Variants in OPCML observed in about 807,000 individuals in gnomAD.
OPCML encodes the protein opioid binding protein/cell adhesion molecule like.
A neutral mutation model predicts 37.8 loss-of-function variants in OPCML; 13 were observed. The ratio of observed to expected loss-of-function variants is 0.34; its 90% CI spans 0.22 to 0.55. The LOEUF (loss-of-function observed/expected upper bound fraction) is 0.55, where lower values mean the gene tolerates loss of function less well. OPCML is among the 20% of genes least tolerant of loss of function. The probability of loss-of-function intolerance (pLI) is 0.91; values close to 1 mark genes in which losing one functional copy is unlikely to be tolerated. For missense variants in OPCML, 341 were observed against 435.6 expected, an observed-to-expected ratio of 0.78 and a Z score of 1.93; for synonymous variants, 176 against 168.8, an observed-to-expected ratio of 1.04 and a Z score of -0.33.
At chr11:132,549,356 T>C (rs1403000114) in intron 3 of OPCML, among the ~76,000 whole-genome samples, 1 of 152,220 alleles carries the variant, frequency 6.6e-6, no homozygotes, top group Non-Finnish European at 1.5e-5. Context: ...TCCTCACCAC[T>C]TTTTAAGAAA....
intron 4 of OPCML, among the ~76,000 whole-genome samples, chr11:132,515,614 T>C (rs1444886999): frequency 6.6e-6 from 1 of 152,186 alleles, no homozygotes; most frequent in Non-Finnish European, 1.5e-5. Flanking sequence ...GCTGGAACAT[T>C]TGTGAGACTG....
intron 1 of OPCML, among the ~76,000 whole-genome samples, chr11:133,078,639 G>A (rs567017559): frequency 6.6e-6 from 1 of 152,250 alleles, no homozygotes; most frequent in East Asian, 1.9e-4. Context: ...CAGTGAGGAG[G>A]GCGCAGACAA....
intron 3 of OPCML, among the ~76,000 whole-genome samples, chr11:132,601,033 G>A (rs1937847160): frequency 6.6e-6 from 1 of 151,892 alleles, no homozygotes; most frequent in South Asian, 2.1e-4. Flanking sequence ...GATTGCCAAT[G>A]TATAATGTAT....
chr11:132,595,394 T>C (rs1591600631), intron 3 of OPCML, among the ~76,000 whole-genome samples: 1 of 152,334 alleles, frequency 6.6e-6, no homozygotes, highest in East Asian at 1.9e-4. Context: ...TGAAAATCTG[T>C]GGGCAAGTTA....
chr11:132,614,134 A>G (rs2846401), intron 3 of OPCML, among the ~76,000 whole-genome samples: 22,090 of 152,032 alleles, frequency 0.15, 2,696 homozygotes, highest in East Asian at 0.65. Flanking sequence ...CCTTAGGCCT[A>G]CTGCCTTCTT....
At chr11:132,540,109 CAGA>C (rs1284350138) in intron 3 of OPCML, among the ~76,000 whole-genome samples, 1 of 152,052 alleles carries the variant, frequency 6.6e-6, no homozygotes, top group East Asian at 1.9e-4. Flanking sequence ...AGTGAAATGG[CAGA>C]AGGTTAGACA....
chr11:132,675,614 A>G (rs540001581), intron 2 of OPCML, among the ~76,000 whole-genome samples: 21 of 152,316 alleles, frequency 1.4e-4, no homozygotes, highest in African/African-American at 4.8e-4. Flanking sequence ...CAAGATCAAT[A>G]TATAAAAATT....
In OPCML at chr11:133,167,171, G is replaced by C. The variant is rs1479847055; in HGVS notation, c.62-224161C>G. ...GGTGGCCGGCGCTGGAAGGCTGCTC[G>C]GGCACTAATTAGTTGTATTTCTCCA... On this transcript the variant is annotated intron_variant, in intron 1 of 7. Coordinates refer to ENST00000524381, the MANE Select transcript of OPCML (RefSeq NM_001012393.5). 2.0e-5 allele frequency among the ~76,000 whole-genome samples: 3 copies of C among 152,226 alleles called. No individual in the cohort carries two copies. In the East Asian group the frequency reaches 5.8e-4, roughly 29 times the overall value.
intron 1 of OPCML, among the ~76,000 whole-genome samples, chr11:133,289,576 CAG>C (rs1288201409): frequency 3.5e-5 from 4 of 114,344 alleles, no homozygotes; most frequent in African/African-American, 7.2e-5. Flanking sequence ...GCCTGGGCGA[CAG>C]AGCGAGACTC....
intron 4 of OPCML, among the ~76,000 whole-genome samples, chr11:132,516,991 T>C (rs1485647734): frequency 6.6e-6 from 1 of 152,104 alleles, no homozygotes; most frequent in African/African-American, 2.4e-5. Flanking sequence ...AGTTAATCAA[T>C]GACTCCAGGC....
At position 132,933,701 on chromosome 11, in the gene OPCML, G is replaced by A. The variant is rs551740282; in HGVS notation, c.146+9225C>T. 1.1e-4 allele frequency among the ~76,000 whole-genome samples: 17 copies of A among 152,218 alleles called. No homozygotes were observed. In the South Asian group the frequency reaches 1.7e-3, roughly 15 times the overall value. On this transcript the variant is annotated intron_variant, in intron 2 of 7. Transcript: ENST00000524381. ...CCTACTAAGCATTAGGTATTCTGTT[G>A]GACACTGAGAATGCAAGATAGATAG...
rs143943190 is a variant in OPCML at position 132,466,471 on chromosome 11, G to A, written c.506-29112C>T. On this transcript the variant is annotated intron_variant, in intron 4 of 7. Coordinates refer to ENST00000524381, the MANE Select transcript of OPCML (RefSeq NM_001012393.5). ...TGCACTCCAGCCTGGGCGACACAGCGAGACTCCGTCTCGGAAAAAAAAAAA... is the reference window on the plus strand; with the variant it reads ...TGCACTCCAGCCTGGGCGACACAGCAAGACTCCGTCTCGGAAAAAAAAAAA... 4.9e-3 allele frequency among the ~76,000 whole-genome samples: 731 copies of A among 148,838 alleles called. 7 individuals carry two copies. The highest frequency in any genetic ancestry group is 0.017 in the African/African-American group (702 of 40,544).
At chr11:132,507,904 A>G (rs1028585163) in intron 4 of OPCML, among the ~76,000 whole-genome samples, 2 of 152,096 alleles carry the variant, frequency 1.3e-5, no homozygotes, top group Non-Finnish European at 2.9e-5. Context: ...AAAATCATAC[A>G]TATGGCTGAA....
chr11:132,806,038 G>A (rs1938986615), intron 2 of OPCML, among the ~76,000 whole-genome samples: 1 of 152,106 alleles, frequency 6.6e-6, no homozygotes, highest in South Asian at 2.1e-4. Context: ...AGTGTTGGGT[G>A]TGAAATGTGA....
At chr11:132,436,944 G>A in intron 5 of OPCML, 165 bp from the exon 6 acceptor site, 1 of 981,566 alleles carries the variant, frequency 1.0e-6, no homozygotes, top group South Asian at 4.7e-5. Context: ...GGAAAAATAA[G>A]CTGCTTGAAG....
intron 1 of OPCML, chr11:133,006,058 C>T (rs571618984): frequency 6.2e-5 from 61 of 985,130 alleles, no homozygotes; most frequent in African/African-American, 1.2e-4. Context: ...TAAGGGCGAC[C>T]GGGAATGGAG....
At chr11:133,358,703 T>C (rs573623275) in intron 1 of OPCML, among the ~76,000 whole-genome samples, 44 of 152,160 alleles carry the variant, frequency 2.9e-4, no homozygotes, top group African/African-American at 1.0e-3. Flanking sequence ...GATGAGACAG[T>C]GGGGTAAGCA....
At chr11:132,741,073 C>T (rs1020178990) in intron 2 of OPCML, among the ~76,000 whole-genome samples, 2 of 152,150 alleles carry the variant, frequency 1.3e-5, no homozygotes, top group Non-Finnish European at 2.9e-5. Context: ...TCTTACCTTT[C>T]CTGATGTCTG....
intron 2 of OPCML, among the ~76,000 whole-genome samples, chr11:132,780,692 G>GT (rs1275595213): frequency 1.3e-5 from 2 of 152,180 alleles, no homozygotes. Context: ...GTGTAAAAGG[G>GT]TGGCCGTGAG....
Sources: gnomAD v4.1 joint callset for allele counts (sites outside exome capture counted in the v4.1 genomes callset) on GRCh38, gnomAD v4.1.1 for gene constraint, MANE v1.5 for transcripts, NCBI Gene and HGNC (gene_info 2026-07-23, HGNC 2026-07-21) for gene names.